ABCA6: variants seen among roughly 807,000 people sequenced by gnomAD.
The protein encoded by ABCA6 is ATP binding cassette subfamily A member 6.
ABCA6 carries 164 observed loss-of-function variants against 191.2 expected under a neutral mutation model. The ratio of observed to expected loss-of-function variants is 0.86; its 90% CI spans 0.76 to 0.98. ABCA6 has a LOEUF of 0.98. Ranked by LOEUF, ABCA6 falls within the 50% of genes least tolerant of loss-of-function variation. ABCA6 has a pLI of 0.00. For missense variants in ABCA6, 1,958 were observed against 1,894.1 expected, an observed-to-expected ratio of 1.03 and a Z score of -0.63; for synonymous variants, 636 against 647.7, an observed-to-expected ratio of 0.98 and a Z score of 0.27.
At chr17:69,109,379 G>C (rs2073373566) in intron 17 of ABCA6, 1 of 152,144 alleles carries the variant, frequency 6.6e-6, no homozygotes, top group Admixed American at 6.6e-5. Flanking sequence ...ATTACACAAA[G>C]AGCAAGTAAT....
chr17:69,082,969 TC>T lies in ABCA6; in HGVS notation c.4519del (p.Asp1507IlefsTer4), dbSNP rs779990705. 7.4e-6 allele frequency: 12 copies of T among 1,614,074 alleles called. No homozygotes were observed. The highest frequency in any genetic ancestry group is 1.0e-5 in the Non-Finnish European group (12 of 1,180,036). ...CTTCACTTTTAGCTCTAGAATGTAA[TC>T]CTTGCCAAGTTTGTTTTTCAGGTGT... Reference protein sequence around the residue: ...IQHLKNKLGKDYILELKVKET... With the variant: ...IQHLKNKLGKXYILELKVKET... On this transcript the variant is annotated frameshift_variant, in exon 36 of 39. Coordinates refer to ENST00000284425, the MANE Select transcript of ABCA6 (RefSeq NM_080284.3). LOFTEE classifies it high-confidence loss of function.
In ABCA6 at chr17:69,084,431, C is replaced by T; in HGVS notation, c.4260+1G>A. 6.2e-7 allele frequency: 1 copy of T among 1,614,164 alleles called. No individual in the cohort carries two copies. ...CATAGAGCATCACACACCGCACGTA[C>T]CTTTCTCGTGATTCCTGCTGTTAAT... On this transcript the variant is annotated splice_donor_variant, in intron 33 of 38. Coordinates refer to ENST00000284425, the MANE Select transcript of ABCA6 (RefSeq NM_080284.3). LOFTEE classifies it high-confidence loss of function.
At chr17:69,125,965 T>G (rs1382667058) in intron 8 of ABCA6, among the ~76,000 whole-genome samples, 1 of 152,088 alleles carries the variant, frequency 6.6e-6, no homozygotes, top group Non-Finnish European at 1.5e-5. Flanking sequence ...AGACCAACAA[T>G]AAGCATCATA....
chr17:69,120,063 C>T (rs1192660917), intron 10 of ABCA6, among the ~76,000 whole-genome samples: 1 of 151,894 alleles, frequency 6.6e-6, no homozygotes, highest in African/African-American at 2.4e-5. Flanking sequence ...ACACACAGAG[C>T]TATATCACAT....
chr17:69,112,385 G>A (rs2073441627), intron 15 of ABCA6, 112 bp from the exon 16 acceptor site: 2 of 720,590 alleles, frequency 2.8e-6, no homozygotes, highest in South Asian at 1.8e-5. Flanking sequence ...TATTCAACAG[G>A]GTATAACTAG....
intron 31 of ABCA6, 69 bp downstream of exon 31, chr17:69,085,556 C>G: frequency 2.1e-6 from 2 of 960,602 alleles, no homozygotes; most frequent in South Asian, 1.7e-5. Flanking sequence ...ATAGTATAGT[C>G]TTACAAAGAT....
chr17:69,086,498 T>TATATATATATAC (rs2072794576), intron 30 of ABCA6, 120 bp downstream of exon 30: 1 of 207,146 alleles, frequency 4.8e-6, no homozygotes, highest in Non-Finnish European at 8.9e-6. Flanking sequence ...TATATATATA[T>TATATATATATAC]ATATATATAT....
At chr17:69,108,589 A>G (rs1436792910) in intron 17 of ABCA6, 1 of 152,186 alleles carries the variant, frequency 6.6e-6, no homozygotes, top group Admixed American at 6.6e-5. Context: ...CATTTATATA[A>G]TAGTTTCCCA....
chr17:69,102,501 A>T (rs1157949899), intron 21 of ABCA6, among the ~76,000 whole-genome samples: 1 of 152,208 alleles, frequency 6.6e-6, no homozygotes, highest in Admixed American at 6.5e-5. Context: ...CAATATATAA[A>T]AACAAACTTT....
At position 69,078,844 on chromosome 17, in the gene ABCA6, T is replaced by TTA. The variant is rs1322170467; in HGVS notation, c.*128_*129insTA. On this transcript the variant is annotated 3_prime_UTR_variant, in exon 39 of 39. Coordinates refer to ENST00000284425, the MANE Select transcript of ABCA6 (RefSeq NM_080284.3). ...AAGAATAATTTTAAAATTTATGTAT[T>TTA]TGTTAACTAAATTTACAAAATATAC... 8 of 554,742 alleles carry TTA rather than the reference T, an allele frequency of 1.4e-5. No homozygotes were observed. Among genetic ancestry groups the TTA allele is most frequent in the South Asian group, 1.1e-4 (3 of 27,188 alleles). 34.4% of individuals were successfully genotyped at this position (554,742 alleles called of 1,614,324 possible).
rs1178269317 is a variant in ABCA6, at chr17:69,141,876, TCTTACACA to T, written c.-185_-178del. ...TTAAATGGGTGCCTACTCCAGCAGC[TCTTACACA>T]GCCTGGTTTCTGAAAAGGGGTGTAG... On this transcript the variant is annotated 5_prime_UTR_variant, in exon 1 of 39. Coordinates refer to ENST00000284425, the MANE Select transcript of ABCA6 (RefSeq NM_080284.3). 2.0e-5 allele frequency: 3 copies of T among 152,080 alleles called. No individual in the cohort carries two copies. Among genetic ancestry groups the T allele is most frequent in the Non-Finnish European group, 4.4e-5 (3 of 68,012 alleles). The allele number at this position is 152,080 out of a possible 1,614,324, so 9.4% of individuals were successfully genotyped here. A position where few individuals can be genotyped will look rare whatever the true frequency, so the allele number is the denominator to read the frequency against.
chr17:69,091,285 T>G, intron 25 of ABCA6, 23 bp from the exon 26 acceptor site: 3 of 1,606,770 alleles, frequency 1.9e-6, no homozygotes, highest in African/African-American at 1.3e-5. Flanking sequence ...TTCAAATATA[T>G]TGTATCAGAC....
rs775496628 is a variant in ABCA6 at position 69,107,751 on chromosome 17, C to G, written c.2334G>C (p.Met778Ile). The G allele has an allele frequency of 6.2e-7, 1 of 1,613,032 alleles. No homozygotes were observed. The highest frequency in any genetic ancestry group is 8.5e-7 in the Non-Finnish European group (1 of 1,179,484). ...DQGVTGYDIS[M>I]STLNEVFMKL... ...TCATAAAGACTTCATTTAGAGTTGACATGGAAATGTCATAACCTGTCACTC... is the reference window on the plus strand; with the variant it reads ...TCATAAAGACTTCATTTAGAGTTGAGATGGAAATGTCATAACCTGTCACTC... Residue 778 changes from methionine (M) to isoleucine (I), a missense_variant, in exon 18 of 39, where the codon ATG becomes ATC. Coordinates refer to ENST00000284425, the MANE Select transcript of ABCA6 (RefSeq NM_080284.3).
intron 18 of ABCA6, among the ~76,000 whole-genome samples, chr17:69,107,043 G>A (rs1363781223): frequency 2.6e-5 from 4 of 152,128 alleles, no homozygotes; most frequent in African/African-American, 7.2e-5. Flanking sequence ...TCATTTAGTA[G>A]TATAGGGGAA....
In ABCA6 at chr17:69,085,519, CAAAAAA is replaced by C. The variant is rs35438104; in HGVS notation, c.4029+100_4029+105del. ...GGGAAAAATAAAATTTATCCAAAGG[CAAAAAA>C]AAAAAAAAAAGAAAAGAAAAATAGT... On this transcript the variant is annotated intron_variant, in intron 31 of 38. Coordinates refer to ENST00000284425, the MANE Select transcript of ABCA6 (RefSeq NM_080284.3). 1.3e-4 allele frequency: 63 copies of C among 474,586 alleles called. 1 individual carries two copies. The highest frequency in any genetic ancestry group is 5.9e-4 in the African/African-American group (22 of 37,152). The allele number at this position is 474,586 out of a possible 1,614,324, so 29.4% of individuals were successfully genotyped here.
chr17:69,118,790 T>G (rs1022229961), intron 10 of ABCA6, among the ~76,000 whole-genome samples: 5 of 152,176 alleles, frequency 3.3e-5, no homozygotes, highest in African/African-American at 1.2e-4. Flanking sequence ...TGATGGATCT[T>G]CTCATTTGAG....
chr17:69,115,933 A>G (rs1439275983), intron 11 of ABCA6: 3 of 151,782 alleles, frequency 2.0e-5, no homozygotes, highest in Admixed American at 2.0e-4. Flanking sequence ...ATCACAGCTC[A>G]CTGCAGCCTC....
Position 69,082,459 on chromosome 17 carries a change from C to T in ABCA6, c.4616+414G>A, listed in dbSNP as rs185745035. ...CATTAAAGAAAGACTCTTTGATTAT[C>T]TCAATTGCCATTTGTTTCCTATGGG... On this transcript the variant is annotated intron_variant, in intron 36 of 38. Transcript: ENST00000284425. Among the ~76,000 whole-genome samples the T allele has an allele frequency of 2.5e-3, 384 of 152,240 alleles. 1 individual carries two copies. Among genetic ancestry groups the T allele is most frequent in the African/African-American group, 9.0e-3 (374 of 41,524 alleles).
intron 5 of ABCA6, among the ~76,000 whole-genome samples, chr17:69,134,278 A>G (rs1432780121): frequency 6.6e-6 from 1 of 151,892 alleles, no homozygotes. Context: ...TAGGAGGGAG[A>G]GCCTTTGGGG....
Sources: allele counts gnomAD v4.1 joint callset (sites outside exome capture counted in the v4.1 genomes callset), GRCh38; gene constraint gnomAD v4.1.1; transcripts MANE v1.5; gene names NCBI Gene and HGNC (gene_info 2026-07-23, HGNC 2026-07-21).